PPFIA2: variants seen among roughly 807,000 people sequenced by gnomAD.
The protein encoded by PPFIA2 is liprin-alpha-2.
A neutral mutation model predicts 175.5 loss-of-function variants in PPFIA2; 46 were observed. The ratio of observed to expected loss-of-function variants is 0.26; its 90% CI spans 0.21 to 0.34. The LOEUF (loss-of-function observed/expected upper bound fraction) is 0.34, where lower values mean the gene tolerates loss of function less well. PPFIA2 is among the 10% of genes least tolerant of loss of function. The pLI is 1.00. For missense variants in PPFIA2, 1,179 were observed against 1,506.1 expected (o/e 0.78, Z 3.60); for synonymous variants, 568 against 511.4 (o/e 1.11, Z -1.49).
At chr12:81,528,175 T>C (rs1027173614) in intron 4 of PPFIA2, among the ~76,000 whole-genome samples, 4 of 152,042 alleles carry the variant, frequency 2.6e-5, no homozygotes, top group African/African-American at 9.7e-5. Flanking sequence ...GAGAGTGCCA[T>C]TGATCAAGTG....
intron 8 of PPFIA2, among the ~76,000 whole-genome samples, chr12:81,394,336 A>C (rs1255015849): frequency 6.6e-6 from 1 of 152,004 alleles, no homozygotes; most frequent in Non-Finnish European, 1.5e-5. Flanking sequence ...GCCTGTATCC[A>C]GGTCACAAAA....
At chr12:81,356,499 C>CA (rs2060875042) in intron 16 of PPFIA2, among the ~76,000 whole-genome samples, 1 of 151,700 alleles carries the variant, frequency 6.6e-6, no homozygotes, top group Admixed American at 6.6e-5. Flanking sequence ...CCCATCACTA[C>CA]AAAAAATACA....
At chr12:81,601,368 C>T (rs942125773) in intron 4 of PPFIA2, among the ~76,000 whole-genome samples, 2 of 151,644 alleles carry the variant, frequency 1.3e-5, no homozygotes, top group African/African-American at 4.8e-5. Context: ...AAGGTGTTGT[C>T]CAGGTCTAAA....
chr12:81,560,413 T>C (rs2069802894), intron 4 of PPFIA2, among the ~76,000 whole-genome samples: 1 of 152,184 alleles, frequency 6.6e-6, no homozygotes, highest in Non-Finnish European at 1.5e-5. Context: ...CATTCTTACA[T>C]GACCTCACCA....
At chr12:81,744,919 G>C (rs542157533) in intron 3 of PPFIA2, among the ~76,000 whole-genome samples, 5 of 152,282 alleles carry the variant, frequency 3.3e-5, no homozygotes, top group Non-Finnish European at 5.9e-5. Flanking sequence ...TAACCTCTCT[G>C]TTCCTTAGTT....
At chr12:81,260,047 A>T (rs2136058928) in intron 32 of PPFIA2, 1 of 159,388 alleles carries the variant, frequency 6.3e-6, no homozygotes, top group East Asian at 1.8e-4. Flanking sequence ...CTTAAAAAAT[A>T]CCTTTATTTG....
intron 28 of PPFIA2, among the ~76,000 whole-genome samples, chr12:81,273,203 T>C (rs2039602191): frequency 6.6e-6 from 1 of 152,160 alleles, no homozygotes; most frequent in South Asian, 2.1e-4. Context: ...TCCACAAATG[T>C]CTCTAGAGGA....
At chr12:81,682,680 A>C (rs2073848016) in intron 3 of PPFIA2, among the ~76,000 whole-genome samples, 1 of 152,016 alleles carries the variant, frequency 6.6e-6, no homozygotes, top group Admixed American at 6.6e-5. Context: ...TATTGTATTC[A>C]AAATATTGAA....
chr12:81,369,316 T>C lies in PPFIA2; in HGVS notation c.1267-122A>G, dbSNP rs752551007. The C allele has an allele frequency of 3.3e-6, 5 of 1,517,170 alleles. No homozygotes were observed. The South Asian group carries it at 6.0e-5, about 18-fold the overall frequency. 94.0% of individuals were successfully genotyped at this position (1,517,170 alleles called of 1,614,324 possible). A position where few individuals can be genotyped will look rare whatever the true frequency, so the allele number is the denominator to read the frequency against. ...AACTGCAAACATAGTTTTTAAAAAA[T>C]AAACTTTCTTCAAACAGGCAGCTGA... On this transcript the variant is annotated intron_variant, in intron 11 of 32. Transcript: ENST00000549396.
intron 4 of PPFIA2, among the ~76,000 whole-genome samples, chr12:81,599,804 A>T (rs1468970534): frequency 6.6e-6 from 1 of 151,810 alleles, no homozygotes; most frequent in Non-Finnish European, 1.5e-5. Flanking sequence ...GTTTCTCATG[A>T]CCTTGATGGT....
At chr12:81,467,576 A>C (rs912228059) in intron 4 of PPFIA2, among the ~76,000 whole-genome samples, 1 of 152,262 alleles carries the variant, frequency 6.6e-6, no homozygotes, top group East Asian at 1.9e-4. Flanking sequence ...GAATTAGAAC[A>C]TGTTACATTA....
chr12:81,339,471 T>A, intron 20 of PPFIA2, 137 bp from the exon 21 acceptor site: 1 of 714,682 alleles, frequency 1.4e-6, no homozygotes, highest in Non-Finnish European at 2.0e-6. Context: ...TGTTTCCTTT[T>A]AAGATATTAA....
intron 4 of PPFIA2, chr12:81,471,012 T>A (rs900121998): frequency 6.6e-6 from 1 of 152,220 alleles, no homozygotes; most frequent in Non-Finnish European, 1.5e-5. Context: ...TAGTTGTCCT[T>A]CTGTAACTGA....
rs115790360 is a variant in PPFIA2, at chr12:81,350,255, C to G, written c.1995-2485G>C. 5.3e-4 allele frequency among the ~76,000 whole-genome samples: 81 copies of G among 152,174 alleles called. 1 individual carries two copies. The highest frequency in any genetic ancestry group is 1.9e-3 in the African/African-American group (80 of 41,542). On this transcript the variant is annotated intron_variant, in intron 17 of 32. Coordinates refer to ENST00000549396, the MANE Select transcript of PPFIA2 (RefSeq NM_003625.5). ...CTCAGAAAGTGTTATTCCGTTATTC[C>G]GTTAATACTTGTTTTACATTATTTT...
chr12:81,611,056 C>T (rs1417240224), intron 4 of PPFIA2, among the ~76,000 whole-genome samples: 2 of 152,076 alleles, frequency 1.3e-5, no homozygotes, highest in Admixed American at 1.3e-4. Context: ...TGGCTGGCAG[C>T]TAGGCTGATA....
At chr12:81,303,970 C>G (rs929737897) in intron 22 of PPFIA2, among the ~76,000 whole-genome samples, 1 of 152,080 alleles carries the variant, frequency 6.6e-6, no homozygotes, top group African/African-American at 2.4e-5. Flanking sequence ...TTCTCCTTAG[C>G]GATTGTTGTT....
At chr12:81,519,174 A>G (rs1007740352) in intron 4 of PPFIA2, among the ~76,000 whole-genome samples, 2 of 152,220 alleles carry the variant, frequency 1.3e-5, no homozygotes, top group African/African-American at 2.4e-5. Flanking sequence ...ATTTTCAAAG[A>G]TTAAAAATAT....
chr12:81,539,571 G>T (rs1237533830), intron 4 of PPFIA2, among the ~76,000 whole-genome samples: 1 of 151,842 alleles, frequency 6.6e-6, no homozygotes, highest in Non-Finnish European at 1.5e-5. Flanking sequence ...GAATCAGTGG[G>T]GCCCAGCAAT....
At chr12:81,448,779 C>A (rs544985340) in intron 5 of PPFIA2, among the ~76,000 whole-genome samples, 24 of 152,280 alleles carry the variant, frequency 1.6e-4, no homozygotes, top group Non-Finnish European at 2.9e-4. Flanking sequence ...TCTCACTTCA[C>A]CTTCGCTTTC....
Sources: gnomAD v4.1 joint callset for allele counts (sites outside exome capture counted in the v4.1 genomes callset) on GRCh38, gnomAD v4.1.1 for gene constraint, MANE v1.5 for transcripts, NCBI Gene and HGNC (gene_info 2026-07-23, HGNC 2026-07-21) for gene names.